The following DYNC1I1 variants were observed in gnomAD, a reference collection of about 807,000 sequenced individuals.
The protein encoded by DYNC1I1 is dynein cytoplasmic 1 intermediate chain 1, also known as cytoplasmic dynein 1 intermediate chain 1.
Under a neutral mutation model 86.6 loss-of-function variants are expected in DYNC1I1, and 43 were observed. That is an observed-to-expected ratio of 0.50 (90% CI 0.39 to 0.64). The LOEUF (loss-of-function observed/expected upper bound fraction) is 0.64. Among genes scored for constraint, DYNC1I1 ranks in the 30% least tolerant of loss-of-function variants. The pLI is 0.00. For missense variants in DYNC1I1, 604 were observed against 788.8 expected, an observed-to-expected ratio of 0.77 and a Z score of 2.81; for synonymous variants, 262 against 283.7, an observed-to-expected ratio of 0.92 and a Z score of 0.77.
intron 1 of DYNC1I1, among the ~76,000 whole-genome samples, chr7:95,782,688 G>T (rs140964309): frequency 6.6e-6 from 1 of 152,274 alleles, no homozygotes; most frequent in Non-Finnish European, 1.5e-5. Flanking sequence ...CTGTCCTCTT[G>T]GTACCTGCAT....
chr7:95,951,052 A>T (rs1792539208), intron 6 of DYNC1I1, among the ~76,000 whole-genome samples: 1 of 152,246 alleles, frequency 6.6e-6, no homozygotes, highest in Non-Finnish European at 1.5e-5. Flanking sequence ...GGTGTCAATG[A>T]TTATACCATT....
intron 14 of DYNC1I1, among the ~76,000 whole-genome samples, chr7:96,070,185 G>T (rs1271224102): frequency 1.3e-5 from 2 of 152,190 alleles, no homozygotes; most frequent in African/African-American, 4.8e-5. Flanking sequence ...TGCAAATAAA[G>T]TTTCCCAGTG....
rs117676704 is a variant in DYNC1I1, at chr7:95,813,198, C to G, written c.224-49C>G. Reference sequence around the variant, plus strand: ...TGTCTGACACTGCTCTTCACCAGTGCAGCCGCTGCATTTTTTAACATGGGA... The same window carrying G: ...TGTCTGACACTGCTCTTCACCAGTGGAGCCGCTGCATTTTTTAACATGGGA... On this transcript the variant is annotated intron_variant, in intron 3 of 16. Coordinates refer to ENST00000447467, the MANE Select transcript of DYNC1I1 (RefSeq NM_001135556.2). 2.4e-3 allele frequency: 3,880 copies of G among 1,611,400 alleles called. 85 individuals carry two copies. Among genetic ancestry groups the G allele is most frequent in the Middle Eastern group, 9.9e-4 (6 of 6,044 alleles).
At chr7:95,832,676 T>C (rs899835318) in intron 5 of DYNC1I1, among the ~76,000 whole-genome samples, 10 of 152,126 alleles carry the variant, frequency 6.6e-5, no homozygotes, top group South Asian at 4.1e-4. Flanking sequence ...TGGTGTGAGA[T>C]GGTATCTCAT....
chr7:95,830,886 G>T (rs925310999), intron 5 of DYNC1I1, among the ~76,000 whole-genome samples: 7 of 152,080 alleles, frequency 4.6e-5, no homozygotes, highest in African/African-American at 1.7e-4. Flanking sequence ...CTTCTTAAAA[G>T]AAATTATTAA....
At chr7:96,044,539 G>GT (rs1056863061) in intron 14 of DYNC1I1, among the ~76,000 whole-genome samples, 4 of 151,928 alleles carry the variant, frequency 2.6e-5, no homozygotes, top group Non-Finnish European at 5.9e-5. Context: ...TAGAAAATCT[G>GT]TAAGTGTAAG....
intron 6 of DYNC1I1, among the ~76,000 whole-genome samples, chr7:95,976,766 GCC>G (rs1422808373): frequency 6.6e-6 from 1 of 152,076 alleles, no homozygotes; most frequent in Non-Finnish European, 1.5e-5. Context: ...TCTACACTGT[GCC>G]TGATGCTTTC....
chr7:95,999,000 ACT>A (rs1441501206), intron 10 of DYNC1I1, among the ~76,000 whole-genome samples: 8 of 152,212 alleles, frequency 5.3e-5, no homozygotes, highest in Non-Finnish European at 4.4e-5. Context: ...TTGTGTCTTT[ACT>A]AAACTGAATT....
chr7:95,944,858 C>T (rs969618346), intron 6 of DYNC1I1, among the ~76,000 whole-genome samples: 1 of 122,412 alleles, frequency 8.2e-6, no homozygotes, highest in African/African-American at 3.2e-5. Flanking sequence ...GAACATCACA[C>T]TCTGGGGACT....
chr7:95,831,343 G>T (rs1788895856), intron 5 of DYNC1I1, among the ~76,000 whole-genome samples: 1 of 151,938 alleles, frequency 6.6e-6, no homozygotes, highest in South Asian at 2.1e-4. Flanking sequence ...GAAATCATTT[G>T]GGTTTGGAAT....
At chr7:96,036,401 C>G (rs1794927611) in intron 13 of DYNC1I1, among the ~76,000 whole-genome samples, 3 of 151,984 alleles carry the variant, frequency 2.0e-5, no homozygotes. Flanking sequence ...TACTAATAAG[C>G]AAATAAATAT....
chr7:95,880,377 AT>A (rs1790420807), intron 6 of DYNC1I1, among the ~76,000 whole-genome samples: 1 of 152,066 alleles, frequency 6.6e-6, no homozygotes, highest in Non-Finnish European at 1.5e-5. Flanking sequence ...AGGAGGTGGA[AT>A]GATTTATCCA....
intron 16 of DYNC1I1, among the ~76,000 whole-genome samples, chr7:96,108,696 T>C (rs1374600271): frequency 6.6e-6 from 1 of 151,838 alleles, no homozygotes; most frequent in Admixed American, 6.6e-5. Flanking sequence ...ACCCCGTCTC[T>C]ACTAAAAATA....
chr7:96,037,771 A>G (rs1255359512), intron 13 of DYNC1I1, among the ~76,000 whole-genome samples: 1 of 152,164 alleles, frequency 6.6e-6, no homozygotes, highest in Non-Finnish European at 1.5e-5. Context: ...ACACACCACA[A>G]ATCTTTTTAC....
chr7:95,805,409 T>C (rs577264134), intron 2 of DYNC1I1, among the ~76,000 whole-genome samples: 1 of 152,156 alleles, frequency 6.6e-6, no homozygotes, highest in Non-Finnish European at 1.5e-5. Flanking sequence ...GGGGAGGCTG[T>C]TCTTCTCTTA....
intron 6 of DYNC1I1, among the ~76,000 whole-genome samples, chr7:95,883,439 T>C (rs1790508056): frequency 6.6e-6 from 1 of 152,318 alleles, no homozygotes; most frequent in East Asian, 1.9e-4. Flanking sequence ...CTTGACTGAA[T>C]AGAGTTTCTA....
intron 6 of DYNC1I1, among the ~76,000 whole-genome samples, chr7:95,903,656 A>T (rs7808673): frequency 0.24 from 36,678 of 152,168 alleles, 4,806 homozygotes; most frequent in Admixed American, 0.39. Flanking sequence ...TAGTTTATTG[A>T]ATGCTTCCAT....
intron 6 of DYNC1I1, among the ~76,000 whole-genome samples, chr7:95,902,528 G>T (rs1004882858): frequency 1.3e-5 from 2 of 152,156 alleles, no homozygotes; most frequent in African/African-American, 4.8e-5. Flanking sequence ...AGAGAAGCAA[G>T]AATAATAGGT....
chr7:96,087,054 AAC>A lies in DYNC1I1; in HGVS notation c.1776+6570_1776+6571del, dbSNP rs1372324501. 3.4e-5 allele frequency among the ~76,000 whole-genome samples: 5 copies of A among 148,920 alleles called. No homozygotes were observed. The South Asian group carries it at 6.5e-4, about 19-fold the overall frequency. ...ACTGGGAGCTAAAAAGGGTTTGAGT[AAC>A]ACAAAATAAATACAATACAATGATG... On this transcript the variant is annotated intron_variant, in intron 16 of 16. Coordinates refer to ENST00000447467, the MANE Select transcript of DYNC1I1 (RefSeq NM_001135556.2).
Sources: gnomAD v4.1 joint callset for allele counts (sites outside exome capture counted in the v4.1 genomes callset) on GRCh38, gnomAD v4.1.1 for gene constraint, MANE v1.5 for transcripts, NCBI Gene and HGNC (gene_info 2026-07-23, HGNC 2026-07-21) for gene names.